PAXBP1: variants seen among roughly 807,000 people sequenced by gnomAD.
PAXBP1 encodes the protein PAX3 and PAX7 binding protein 1.
Under a neutral mutation model 119.9 loss-of-function variants are expected in PAXBP1, and 44 were observed. The observed-to-expected ratio is 0.37, with a 90% CI of 0.29 to 0.47. The LOEUF (loss-of-function observed/expected upper bound fraction) is 0.47, where lower values mean the gene tolerates loss of function less well. Among genes scored for constraint, PAXBP1 ranks in the 20% least tolerant of loss-of-function variants. The pLI, the probability that PAXBP1 is intolerant of heterozygous loss-of-function variation, is 0.99. For missense variants in PAXBP1, 898 were observed against 1,134.1 expected, an observed-to-expected ratio of 0.79 and a Z score of 2.99; for synonymous variants, 393 against 406.6, an observed-to-expected ratio of 0.97 and a Z score of 0.40.
chr21:32,760,686 A>C (rs1318274036), intron 5 of PAXBP1, among the ~76,000 whole-genome samples: 1 of 151,996 alleles, frequency 6.6e-6, no homozygotes, highest in Non-Finnish European at 1.5e-5. Context: ...TGCTGGCCCC[A>C]CCACCCCAAG....
intron 15 of PAXBP1, chr21:32,742,784 ATAT>A (rs971996568): frequency 3.2e-6 from 1 of 307,862 alleles, no homozygotes; most frequent in Non-Finnish European, 6.4e-6. Flanking sequence ...TTACCACAGT[ATAT>A]TATTAATAAC....
At chr21:32,762,361 G>C in intron 3 of PAXBP1, 44 bp from the exon 4 acceptor site, 1 of 1,561,598 alleles carries the variant, frequency 6.4e-7, no homozygotes, top group South Asian at 1.2e-5. Flanking sequence ...GAGATGCAAA[G>C]TTTCTATTTT....
At chr21:32,765,778 T>A (rs1191202148) in intron 2 of PAXBP1, among the ~76,000 whole-genome samples, 1 of 152,140 alleles carries the variant, frequency 6.6e-6, no homozygotes, top group Non-Finnish European at 1.5e-5. Context: ...ATTATGAAGC[T>A]ATAAGGTTTT....
At position 32,771,409 on chromosome 21, in the gene PAXBP1, T is replaced by C. The variant is rs759527124; in HGVS notation, c.260A>G (p.Asn87Ser). Residue 87 changes from asparagine (N) to serine (S), a missense_variant, in exon 1 of 18, where the codon AAC becomes AGC. This residue lies in a region of PAXBP1 where 299 missense variants were observed against 281.4 expected (regional missense o/e 1.06). Transcript: ENST00000331923. ...GGFPGGAEPG[N>S]GLKPRKRPRE... ...AGGCCTCTTGCGCGGCTTCAGCCCG[T>C]TGCCGGGCTCCGCGCCGCCGGGGAA... 3.2e-6 allele frequency: 5 copies of C among 1,550,244 alleles called. 1 individual carries two copies. In the South Asian group the frequency reaches 3.4e-5, roughly 11 times the overall value.
chr21:32,753,129 G>C (rs951049988), intron 8 of PAXBP1, among the ~76,000 whole-genome samples: 11 of 152,090 alleles, frequency 7.2e-5, no homozygotes, highest in African/African-American at 2.7e-4. Context: ...AATAATTCCA[G>C]ACTCAAGAGT....
Position 32,771,750 on chromosome 21 carries a change from C to T in PAXBP1, c.-82G>A, listed in dbSNP as rs1035326640. On this transcript the variant is annotated 5_prime_UTR_variant, in exon 1 of 18. Coordinates refer to ENST00000331923, the MANE Select transcript of PAXBP1 (RefSeq NM_016631.4). ...CCGAGCTCGTGACGGCGCACGCGCG[C>T]TCTCCGGAGCTCCAGCCGGGTCGAG... 3.4e-5 allele frequency: 41 copies of T among 1,200,882 alleles called. No homozygotes were observed. The highest frequency in any genetic ancestry group is 4.4e-5 in the Non-Finnish European group (41 of 935,016). The allele number at this position is 1,200,882 out of a possible 1,614,324, so 74.4% of individuals were successfully genotyped here.
chr21:32,755,357 T>C lies in PAXBP1; in HGVS notation c.1384-4A>G. On this transcript the variant is annotated splice_region_variant and splice_polypyrimidine_tract_variant and intron_variant, in intron 7 of 17. Transcript: ENST00000331923. ...CAAGTTCATTAATCAGTGGCACCTG[T>C]AAAAATACAACACACTCCGTAACAC... 1 of 1,611,632 alleles carries C rather than the reference T, an allele frequency of 6.2e-7. No individual in the cohort carries two copies. The highest frequency in any genetic ancestry group is 8.5e-7 in the Non-Finnish European group (1 of 1,178,996).
At chr21:32,755,446 C>A in intron 7 of PAXBP1, 93 bp from the exon 8 acceptor site, 1 of 1,512,302 alleles carries the variant, frequency 6.6e-7, no homozygotes, top group Non-Finnish European at 9.0e-7. Flanking sequence ...TGAAAAAGTA[C>A]CCTCTCTATG....
intron 2 of PAXBP1, among the ~76,000 whole-genome samples, chr21:32,765,784 G>A (rs113892866): frequency 1.8e-3 from 267 of 151,624 alleles, no homozygotes; most frequent in Middle Eastern, 6.8e-3. Context: ...AAGCTATAAG[G>A]TTTTAAAACT....
In PAXBP1 at chr21:32,743,661, T is replaced by C. The variant is rs778649059; in HGVS notation, c.2267+17A>G. 3.3e-6 allele frequency: 5 copies of C among 1,503,944 alleles called. No individual in the cohort carries two copies. In the East Asian group the frequency reaches 9.1e-5, roughly 27 times the overall value. The allele number at this position is 1,503,944 out of a possible 1,614,324, so 93.2% of individuals were successfully genotyped here. A position where few individuals can be genotyped will look rare whatever the true frequency, so the allele number is the denominator to read the frequency against. On this transcript the variant is annotated intron_variant, in intron 14 of 17. Transcript: ENST00000331923. ...CAATGGAGAATATTATCTTTAATGT[T>C]CTTCAGAGTTACTTACTTTTTGGGA...
chr21:32,742,838 AT>A (rs2043808771), intron 15 of PAXBP1: 2 of 326,882 alleles, frequency 6.1e-6, no homozygotes, highest in Admixed American at 8.4e-5. Context: ...ACTGTGCCTA[AT>A]TTATAAGTTA....
chr21:32,762,086 A>G lies in PAXBP1; in HGVS notation c.871+10T>C. 4 of 1,613,936 alleles carry G rather than the reference A, an allele frequency of 2.5e-6. No homozygotes were observed. Among genetic ancestry groups the G allele is most frequent in the African/African-American group, 1.3e-5 (1 of 74,988 alleles). ...TGCAATAGGCTTACTATTCAATTAAATCAAGTTACCTATTTCCTCAGCAAT... is the reference window on the plus strand; with the variant it reads ...TGCAATAGGCTTACTATTCAATTAAGTCAAGTTACCTATTTCCTCAGCAAT... On this transcript the variant is annotated intron_variant, in intron 4 of 17. Coordinates refer to ENST00000331923, the MANE Select transcript of PAXBP1 (RefSeq NM_016631.4).
chr21:32,770,422 A>T lies in PAXBP1; in HGVS notation c.344-480T>A, dbSNP rs553573676. Among the ~76,000 whole-genome samples the T allele has an allele frequency of 4.6e-5, 7 of 151,432 alleles. No individual in the cohort carries two copies. The East Asian group carries it at 1.4e-3, about 29-fold the overall frequency. ...GAAATTTTAAAAGTACTAAATACTT[A>T]AAAAAAAATAGCTCATGTATCTCAA... On this transcript the variant is annotated intron_variant, in intron 1 of 17. Coordinates refer to ENST00000331923, the MANE Select transcript of PAXBP1 (RefSeq NM_016631.4).
In PAXBP1 at chr21:32,771,733, G is replaced by T; in HGVS notation, c.-65C>A. 7.8e-7 allele frequency: 1 copy of T among 1,280,770 alleles called. No individual in the cohort carries two copies. Among genetic ancestry groups the T allele is most frequent in the Non-Finnish European group, 1.0e-6 (1 of 1,000,356 alleles). 79.3% of individuals were successfully genotyped at this position (1,280,770 alleles called of 1,614,324 possible). ...CCGCGGCCCCGGCAGCGCCGAGCTC[G>T]TGACGGCGCACGCGCGCTCTCCGGA... On this transcript the variant is annotated 5_prime_UTR_variant, in exon 1 of 18. Transcript: ENST00000331923.
In PAXBP1 at chr21:32,743,160, G is replaced by A. The variant is rs1197436061; in HGVS notation, c.2334+88C>T. On this transcript the variant is annotated intron_variant, in intron 15 of 17. Coordinates refer to ENST00000331923, the MANE Select transcript of PAXBP1 (RefSeq NM_016631.4). ...AGATATAAATAGATCTAAGCCTATGGAGTTAATAAAAAACAAAACACTCTA... is the reference window on the plus strand; with the variant it reads ...AGATATAAATAGATCTAAGCCTATGAAGTTAATAAAAAACAAAACACTCTA... The A allele has an allele frequency of 2.4e-5, 22 of 904,692 alleles. No homozygotes were observed. The South Asian group carries it at 2.9e-4, about 12-fold the overall frequency. 56.0% of individuals were successfully genotyped at this position (904,692 alleles called of 1,614,324 possible).
intron 15 of PAXBP1, 82 bp from the exon 16 acceptor site, chr21:32,738,401 T>C (rs867587135): frequency 8.7e-7 from 1 of 1,152,592 alleles, no homozygotes; most frequent in Admixed American, 2.6e-5. Context: ...AAACACCATA[T>C]GAAATACAGC....
chr21:32,748,760 C>A (rs2043914090), intron 10 of PAXBP1, 62 bp from the exon 11 acceptor site: 1 of 1,416,088 alleles, frequency 7.1e-7, no homozygotes, highest in Non-Finnish European at 9.6e-7. Context: ...AAAAACAGTC[C>A]AATATTTTCA....
intron 11 of PAXBP1, among the ~76,000 whole-genome samples, chr21:32,747,612 C>T (rs1601591927): frequency 6.6e-6 from 1 of 152,126 alleles, no homozygotes; most frequent in East Asian, 1.9e-4. Context: ...AACCTCAGCT[C>T]CCTTTTCCTT....
chr21:32,742,872 T>C, intron 15 of PAXBP1: 2 of 366,960 alleles, frequency 5.5e-6, no homozygotes, highest in South Asian at 2.2e-5. Flanking sequence ...GGTATGTATG[T>C]AGAGGAAAAA....
Sources: gnomAD v4.1 joint callset for allele counts (sites outside exome capture counted in the v4.1 genomes callset) on GRCh38, gnomAD v4.1.1 for gene constraint, gnomAD v4.1.1 regional missense constraint, MANE v1.5 for transcripts, NCBI Gene and HGNC (gene_info 2026-07-23, HGNC 2026-07-21) for gene names.